The following NTM variants were observed in gnomAD, a reference collection of about 807,000 sequenced individuals.
The protein encoded by NTM is IgLON family member 2.
NTM carries 13 observed loss-of-function variants against 42.1 expected under a neutral mutation model. The observed-to-expected ratio is 0.31, with a 90% CI of 0.20 to 0.49. NTM has a LOEUF of 0.49. Among genes scored for constraint, NTM ranks in the 20% least tolerant of loss-of-function variants. The probability of loss-of-function intolerance (pLI) is 0.99; values close to 1 mark genes in which losing one functional copy is unlikely to be tolerated. For missense variants in NTM, 373 were observed against 452.8 expected (o/e 0.82, Z 1.60); for synonymous variants, 187 against 179.2 (o/e 1.04, Z -0.35).
intron 1 of NTM, among the ~76,000 whole-genome samples, chr11:131,768,398 G>A (rs1328271296): frequency 3.3e-5 from 5 of 152,148 alleles, no homozygotes; most frequent in African/African-American, 1.2e-4. Flanking sequence ...GATTACAGGC[G>A]TGAGCCACTG....
chr11:131,869,773 T>C (rs1565652533), intron 1 of NTM, among the ~76,000 whole-genome samples: 2 of 152,202 alleles, frequency 1.3e-5, no homozygotes, highest in South Asian at 2.1e-4. Flanking sequence ...AGATAGCTCC[T>C]GGAATTCCCA....
At chr11:131,778,586 G>A (rs1254033341) in intron 1 of NTM, among the ~76,000 whole-genome samples, 1 of 152,110 alleles carries the variant, frequency 6.6e-6, no homozygotes, top group African/African-American at 2.4e-5. Flanking sequence ...AAGTTCCTCA[G>A]ATTCTATTTT....
intron 1 of NTM, among the ~76,000 whole-genome samples, chr11:131,623,641 G>A (rs981589248): frequency 2.0e-5 from 3 of 152,180 alleles, no homozygotes; most frequent in South Asian, 4.1e-4. Flanking sequence ...ATAGGGACGC[G>A]GATGGAGGAC....
chr11:131,888,706 C>T (rs1327436202), intron 1 of NTM, among the ~76,000 whole-genome samples: 3 of 152,094 alleles, frequency 2.0e-5, no homozygotes, highest in Non-Finnish European at 4.4e-5. Context: ...TTTCCTGTGG[C>T]GTCTTATAGA....
At chr11:131,664,507 C>T (rs555030681) in intron 1 of NTM, among the ~76,000 whole-genome samples, 53 of 152,120 alleles carry the variant, frequency 3.5e-4, no homozygotes, top group Non-Finnish European at 5.9e-4. Flanking sequence ...AATTAGCCTG[C>T]CAATCACTCA....
chr11:132,053,722 G>A (rs2079182223), intron 2 of NTM, among the ~76,000 whole-genome samples: 1 of 152,146 alleles, frequency 6.6e-6, no homozygotes, highest in Admixed American at 6.5e-5. Flanking sequence ...CTCAAATAGA[G>A]GATTTATCTT....
chr11:131,489,264 T>G (rs1173692417), intron 1 of NTM, among the ~76,000 whole-genome samples: 1 of 152,208 alleles, frequency 6.6e-6, no homozygotes, highest in African/African-American at 2.4e-5. Flanking sequence ...GCTGAATAAC[T>G]TTCTCAGCTT....
At chr11:132,330,780 G>T (rs750983070) in intron 8 of NTM, among the ~76,000 whole-genome samples, 1 of 152,156 alleles carries the variant, frequency 6.6e-6, no homozygotes, top group Non-Finnish European at 1.5e-5. Context: ...TTAGGCCTCC[G>T]CAGCTCTCTA....
At chr11:132,124,502 G>T (rs1174248457) in intron 2 of NTM, among the ~76,000 whole-genome samples, 5 of 152,210 alleles carry the variant, frequency 3.3e-5, no homozygotes, top group Non-Finnish European at 1.5e-5. Context: ...TTGCCCATCT[G>T]CCTCCCCATT....
intron 2 of NTM, among the ~76,000 whole-genome samples, chr11:132,101,888 G>A (rs2061671127): frequency 1.3e-5 from 2 of 152,092 alleles, no homozygotes; most frequent in Admixed American, 1.3e-4. Flanking sequence ...AACTATTATA[G>A]TCCTTGACTG....
chr11:131,756,176 A>G (rs2083306875), intron 1 of NTM, among the ~76,000 whole-genome samples: 1 of 152,228 alleles, frequency 6.6e-6, no homozygotes, highest in Admixed American at 6.5e-5. Flanking sequence ...GGAAGGGGGA[A>G]GTCATGTCAT....
intron 1 of NTM, among the ~76,000 whole-genome samples, chr11:131,591,576 C>A (rs1320132843): frequency 6.6e-6 from 1 of 152,184 alleles, no homozygotes; most frequent in Non-Finnish European, 1.5e-5. Context: ...GGGTAGTTCC[C>A]AGCTCAAATG....
At chr11:131,383,218 G>A (rs1189720573) in intron 1 of NTM, among the ~76,000 whole-genome samples, 4 of 152,142 alleles carry the variant, frequency 2.6e-5, no homozygotes, top group Non-Finnish European at 5.9e-5. Context: ...TGAAAGCATG[G>A]CCAGGTGCTT....
chr11:131,518,344 G>A (rs1180134971), intron 1 of NTM, among the ~76,000 whole-genome samples: 1 of 152,150 alleles, frequency 6.6e-6, no homozygotes. Flanking sequence ...TCTCCTTGCT[G>A]TTTCTCAGAG....
chr11:131,987,606 C>A (rs2135044555), intron 2 of NTM, among the ~76,000 whole-genome samples: 1 of 152,220 alleles, frequency 6.6e-6, no homozygotes, highest in Admixed American at 6.5e-5. Context: ...CTAGAGAATA[C>A]TTTATTGTGG....
At chr11:132,274,124 G>GT (rs944907204) in intron 4 of NTM, among the ~76,000 whole-genome samples, 3 of 151,438 alleles carry the variant, frequency 2.0e-5, no homozygotes, top group Non-Finnish European at 2.9e-5. Flanking sequence ...TATTTCTTTT[G>GT]TTTTTTTCTT....
At chr11:131,988,308 G>A (rs947697918) in intron 2 of NTM, among the ~76,000 whole-genome samples, 1 of 152,206 alleles carries the variant, frequency 6.6e-6, no homozygotes, top group African/African-American at 2.4e-5. Flanking sequence ...AGCATTGAAG[G>A]TTATTGTCTG....
At chr11:131,856,781 T>A (rs1181854110) in intron 1 of NTM, among the ~76,000 whole-genome samples, 1 of 152,244 alleles carries the variant, frequency 6.6e-6, no homozygotes, top group Non-Finnish European at 1.5e-5. Flanking sequence ...GAGGCTGTAC[T>A]ATACTGTGGG....
rs535676638 is a variant in NTM, at chr11:132,179,956, C to T, written c.401-32066C>T. Among the ~76,000 whole-genome samples the T allele has an allele frequency of 7.9e-5, 12 of 152,166 alleles. No homozygotes were observed. The South Asian group carries it at 2.5e-3, about 32-fold the overall frequency. ...TCTTAACATCTCAGTGCCTCCATTT[C>T]GTTATTAGAAAATAGTGTAACACTA... On this transcript the variant is annotated intron_variant, in intron 3 of 8. Transcript: ENST00000683400.
Sources: allele counts gnomAD v4.1 joint callset (sites outside exome capture counted in the v4.1 genomes callset), GRCh38; gene constraint gnomAD v4.1.1; transcripts MANE v1.5; gene names NCBI Gene and HGNC (gene_info 2026-07-23, HGNC 2026-07-21).